Variants in LYPLAL1 observed in about 807,000 individuals in gnomAD.
LYPLAL1 encodes lysophospholipase like 1, also known as lysophospholipase-like protein 1.
In LYPLAL1, 23 loss-of-function variants were observed where a neutral mutation model predicts 19.7. That is an observed-to-expected ratio of 1.17 (90% CI 0.84 to 1.65). LYPLAL1 has a LOEUF of 1.65. Among genes scored for constraint, LYPLAL1 ranks in the 40% most tolerant of loss-of-function variants. LYPLAL1 has a pLI of 0.00. For missense variants in LYPLAL1, 355 were observed against 279.4 expected, an observed-to-expected ratio of 1.27 and a Z score of -1.93; for synonymous variants, 119 against 96.3, an observed-to-expected ratio of 1.24 and a Z score of -1.38.
At chr1:219,384,296 C>T in the LYPLAL1 span, among the ~76,000 whole-genome samples, 1 of 152,332 alleles carries the variant, frequency 6.6e-6, no homozygotes, top group African/African-American at 2.4e-5. Context: ...AGAGGTGATA[C>T]TCTTGCCAGT....
the LYPLAL1 span, among the ~76,000 whole-genome samples, chr1:219,414,154 C>T: frequency 2.0e-4 from 30 of 152,166 alleles, no homozygotes; most frequent in Middle Eastern, 3.4e-3. Flanking sequence ...TTTCCTTAGC[C>T]CTTTCGATTT....
intron 3 of LYPLAL1, among the ~76,000 whole-genome samples, chr1:219,203,794 T>C (rs1658316112): frequency 6.6e-6 from 1 of 152,188 alleles, no homozygotes; most frequent in African/African-American, 2.4e-5. Flanking sequence ...TCTGGAGGGC[T>C]GACTAGTCAG....
At chr1:219,410,523 C>T in the LYPLAL1 span, among the ~76,000 whole-genome samples, 178 of 152,346 alleles carry the variant, frequency 1.2e-3, no homozygotes, top group Non-Finnish European at 2.0e-3. Context: ...CTCTCAGCAC[C>T]TCCCCTGCCT....
chr1:219,275,267 T>C, the LYPLAL1 span, among the ~76,000 whole-genome samples: 1 of 152,202 alleles, frequency 6.6e-6, no homozygotes, highest in African/African-American at 2.4e-5. Flanking sequence ...AACAACTACA[T>C]GGGCTCTGAT....
At chr1:219,385,677 T>G in the LYPLAL1 span, among the ~76,000 whole-genome samples, 1 of 152,012 alleles carries the variant, frequency 6.6e-6, no homozygotes, top group African/African-American at 2.4e-5. Context: ...TTGCAAGCTT[T>G]AAAAAGAAGG....
At chr1:219,226,230 T>C in the LYPLAL1 span, among the ~76,000 whole-genome samples, 2 of 152,212 alleles carry the variant, frequency 1.3e-5, no homozygotes, top group Non-Finnish European at 2.9e-5. Context: ...TACTGAACAA[T>C]GACATAACTA....
the LYPLAL1 span, among the ~76,000 whole-genome samples, chr1:219,290,477 AAAT>A: frequency 7.9e-5 from 12 of 152,238 alleles, no homozygotes; most frequent in Non-Finnish European, 1.2e-4. Flanking sequence ...TTTGCTTTAA[AAAT>A]AATAATATTG....
At chr1:219,241,998 A>G in the LYPLAL1 span, among the ~76,000 whole-genome samples, 44 of 152,360 alleles carry the variant, frequency 2.9e-4, no homozygotes, top group African/African-American at 9.9e-4. Flanking sequence ...TGGCCAGTAA[A>G]CAGAAAACAG....
At chr1:219,292,797 G>A in the LYPLAL1 span, among the ~76,000 whole-genome samples, 2 of 152,170 alleles carry the variant, frequency 1.3e-5, no homozygotes, top group African/African-American at 2.4e-5. Flanking sequence ...TTTATGGTGT[G>A]TTGAGATAGA....
At chr1:219,316,761 C>T in the LYPLAL1 span, among the ~76,000 whole-genome samples, 1 of 152,086 alleles carries the variant, frequency 6.6e-6, no homozygotes, top group Non-Finnish European at 1.5e-5. Context: ...ATTAATCTTG[C>T]AGACACTACA....
the LYPLAL1 span, among the ~76,000 whole-genome samples, chr1:219,337,410 A>G: frequency 6.6e-6 from 1 of 152,056 alleles, no homozygotes; most frequent in Admixed American, 6.6e-5. Flanking sequence ...TACACAGTGT[A>G]GAACATAAAA....
the LYPLAL1 span, among the ~76,000 whole-genome samples, chr1:219,399,875 C>T: frequency 2.0e-5 from 3 of 152,118 alleles, no homozygotes; most frequent in Non-Finnish European, 4.4e-5. Context: ...GGGGTTTGGC[C>T]ATCCCTAGCC....
chr1:219,246,733 A>G, the LYPLAL1 span, among the ~76,000 whole-genome samples: 1 of 152,132 alleles, frequency 6.6e-6, no homozygotes, highest in African/African-American at 2.4e-5. Flanking sequence ...ACTACAGCAC[A>G]TGCCACCATG....
chr1:219,200,736 T>C (rs1300952397), intron 3 of LYPLAL1, among the ~76,000 whole-genome samples: 1 of 152,216 alleles, frequency 6.6e-6, no homozygotes, highest in Non-Finnish European at 1.5e-5. Context: ...GATTATTTCC[T>C]CTTCAGTATA....
At chr1:219,429,862 C>A in the LYPLAL1 span, among the ~76,000 whole-genome samples, 3 of 152,036 alleles carry the variant, frequency 2.0e-5, no homozygotes, top group African/African-American at 7.3e-5. Context: ...ATGATCCCTG[C>A]CCTCAAGAAG....
the LYPLAL1 span, among the ~76,000 whole-genome samples, chr1:219,335,644 ACT>A: frequency 8.8e-4 from 134 of 151,882 alleles, no homozygotes; most frequent in African/African-American, 2.9e-3. Context: ...TAGAATGAGA[ACT>A]CTCCTTGCTC....
chr1:219,399,525 G>A, the LYPLAL1 span, among the ~76,000 whole-genome samples: 9 of 152,288 alleles, frequency 5.9e-5, no homozygotes, highest in South Asian at 2.1e-4. Context: ...CTACCCATGC[G>A]CTGGCGAAGC....
chr1:219,436,970 T>G, the LYPLAL1 span: 2 of 152,182 alleles, frequency 1.3e-5, no homozygotes, highest in African/African-American at 4.8e-5. Flanking sequence ...TATTTTTTCT[T>G]GATATATTAG....
intron 2 of LYPLAL1, among the ~76,000 whole-genome samples, chr1:219,190,672 T>C (rs563651556): frequency 1.6e-5 from 2 of 123,086 alleles, no homozygotes; most frequent in Admixed American, 8.1e-5. Context: ...GTAATATCAA[T>C]ATTCAAAATA....
Sources: allele counts gnomAD v4.1 joint callset (sites outside exome capture counted in the v4.1 genomes callset), GRCh38; gene constraint gnomAD v4.1.1; transcripts MANE v1.5; gene names NCBI Gene and HGNC (gene_info 2026-07-23, HGNC 2026-07-21).